Variants in PIK3C2G observed in about 807,000 individuals in gnomAD.
The protein encoded by PIK3C2G is phosphatidylinositol-4-phosphate 3-kinase catalytic subunit type 2 gamma.
Under a neutral mutation model 181.1 loss-of-function variants are expected in PIK3C2G, and 168 were observed. That is an observed-to-expected ratio of 0.93 (90% CI 0.82 to 1.05). The LOEUF (loss-of-function observed/expected upper bound fraction) is 1.05, where lower values mean the gene tolerates loss of function less well. PIK3C2G is among the 50% of genes least tolerant of loss of function. PIK3C2G has a pLI of 0.00. For synonymous variants in PIK3C2G, 573 were observed against 592.2 expected (o/e 0.97, Z 0.47); for missense variants, 1,869 against 1,732.8 (o/e 1.08, Z -1.40).
intron 5 of PIK3C2G, among the ~76,000 whole-genome samples, chr12:18,304,883 A>C (rs1029809607): frequency 5.8e-4 from 89 of 152,334 alleles, no homozygotes; most frequent in African/African-American, 2.0e-3. Context: ...GCAAAGAAAT[A>C]GATAAAGTGC....
At chr12:18,649,700 C>T (rs1321481315), downstream of PIK3C2G, among the ~76,000 whole-genome samples, 1 of 152,132 alleles carries the variant, frequency 6.6e-6, no homozygotes, top group Admixed American at 6.6e-5. Context: ...TCACTGTTGA[C>T]CTCCAATTAG....
At chr12:18,611,742 A>G (rs763039689) in intron 31 of PIK3C2G, among the ~76,000 whole-genome samples, 11 of 151,994 alleles carry the variant, frequency 7.2e-5, no homozygotes, top group Admixed American at 6.6e-5. Flanking sequence ...CTCCTTCCCC[A>G]CAAGCTACAT....
At chr12:18,607,291 G>T in intron 30 of PIK3C2G, 1 of 410,982 alleles carries the variant, frequency 2.4e-6, no homozygotes, top group Non-Finnish European at 4.8e-6. Context: ...CTAAACATAC[G>T]AATGAAAGTA....
the PIK3C2G span, chr12:18,696,137 G>A: frequency 2.5e-5 from 31 of 1,261,476 alleles, no homozygotes; most frequent in Non-Finnish European, 2.7e-5. Context: ...ACTCAATATC[G>A]TATATAACAT....
chr12:18,647,407 T>C (rs1950194008), intron 32 of PIK3C2G, among the ~76,000 whole-genome samples: 1 of 151,062 alleles, frequency 6.6e-6, no homozygotes, highest in Admixed American at 6.6e-5. Flanking sequence ...TCATGCAATA[T>C]ACCTCTGGTA....
the PIK3C2G span, among the ~76,000 whole-genome samples, chr12:18,663,040 C>T: frequency 1.6e-4 from 24 of 152,022 alleles, no homozygotes; most frequent in Non-Finnish European, 3.2e-4. Flanking sequence ...GGATTAAACT[C>T]TCTCCAGTCA....
chr12:18,352,812 C>T (rs1940346571), intron 11 of PIK3C2G, among the ~76,000 whole-genome samples: 1 of 152,172 alleles, frequency 6.6e-6, no homozygotes, highest in Non-Finnish European at 1.5e-5. Context: ...ATCCCGCTGT[C>T]AAGCCACCCC....
intron 29 of PIK3C2G, among the ~76,000 whole-genome samples, chr12:18,588,400 G>GAA (rs548057382): frequency 1.3e-5 from 2 of 150,624 alleles, no homozygotes; most frequent in Non-Finnish European, 3.0e-5. Context: ...AAATTTACAG[G>GAA]AAAAAAAACA....
the PIK3C2G span, among the ~76,000 whole-genome samples, chr12:18,711,315 A>C: frequency 9.2e-5 from 13 of 140,904 alleles, no homozygotes; most frequent in Admixed American, 9.8e-4. Flanking sequence ...GTTCTCACTC[A>C]TAGGTGGGAA....
At chr12:18,407,292 TA>T (rs1235291513) in intron 16 of PIK3C2G, among the ~76,000 whole-genome samples, 1 of 152,148 alleles carries the variant, frequency 6.6e-6, no homozygotes, top group East Asian at 1.9e-4. Context: ...ACTTACATGA[TA>T]AAGAGTTAGC....
At chr12:18,664,582 A>G in the PIK3C2G span, among the ~76,000 whole-genome samples, 8 of 152,302 alleles carry the variant, frequency 5.3e-5, no homozygotes, top group South Asian at 6.2e-4. Flanking sequence ...CATGGAGACA[A>G]TGAGTAGAAT....
intron 8 of PIK3C2G, among the ~76,000 whole-genome samples, chr12:18,337,576 G>A (rs1380744220): frequency 6.6e-6 from 1 of 152,138 alleles, no homozygotes; most frequent in Non-Finnish European, 1.5e-5. Context: ...TGCAATCATA[G>A]CAGAAGGTGA....
intron 29 of PIK3C2G, among the ~76,000 whole-genome samples, chr12:18,574,851 A>G (rs1401926595): frequency 1.3e-5 from 2 of 152,136 alleles, no homozygotes; most frequent in Non-Finnish European, 2.9e-5. Context: ...ATGAAATTAC[A>G]TCTCAAGTCA....
chr12:18,574,967 C>A (rs553688227), intron 29 of PIK3C2G, among the ~76,000 whole-genome samples: 1 of 152,162 alleles, frequency 6.6e-6, no homozygotes, highest in African/African-American at 2.4e-5. Flanking sequence ...TACAAAATAG[C>A]CTCCTAATTG....
upstream of PIK3C2G, among the ~76,000 whole-genome samples, chr12:18,244,482 T>A (rs537268438): frequency 2.5e-4 from 38 of 152,052 alleles, no homozygotes; most frequent in Admixed American, 6.5e-5. Flanking sequence ...TTTGGTAGAA[T>A]TCTGAGCTTA....
In PIK3C2G at chr12:18,399,666, GAAGAA is replaced by G. The variant is rs758822384; in HGVS notation, c.2144_2148del (p.Lys715IlefsTer11). The G allele has an allele frequency of 1.3e-6, 2 of 1,549,948 alleles. No homozygotes were observed. Among genetic ancestry groups the G allele is most frequent in the East Asian group, 2.3e-5 (1 of 44,144 alleles). On this transcript the variant is annotated frameshift_variant, in exon 16 of 33. Coordinates refer to ENST00000538779, the MANE Select transcript of PIK3C2G (RefSeq NM_001288772.2). LOFTEE classifies it high-confidence loss of function. ...TCCAATCTGGTTTTTCAGACTCTCT[GAAGAA>G]AAGAAAAGATATTTATGGTTTTATC...
rs199781754 is a variant in PIK3C2G, at chr12:18,282,614, C to T, written c.533C>T (p.Thr178Ile). The change falls in exon 2 of 33, where the codon ACA (threonine) becomes ATA (isoleucine). Residue 178 changes from threonine to isoleucine, a missense_variant. Thr to Ile is a moderately conservative substitution (Grantham distance 89). Coordinates refer to ENST00000538779, the MANE Select transcript of PIK3C2G (RefSeq NM_001288772.2). Reference protein sequence around the residue: ...HIGFESSIPPTNSSFSSDFMP... With the variant: ...HIGFESSIPPINSSFSSDFMP... ...GGATTTGAAAGTAGCATTCCTCCAA[C>T]AAATTCATCCTTCTCAAGTGACTTC... 154 of 1,613,052 alleles carry T rather than the reference C, an allele frequency of 9.5e-5. 1 individual carries two copies. The highest frequency in any genetic ancestry group is 1.2e-4 in the Non-Finnish European group (146 of 1,179,256).
At chr12:18,726,577 T>C in the PIK3C2G span, among the ~76,000 whole-genome samples, 1 of 152,126 alleles carries the variant, frequency 6.6e-6, no homozygotes, top group South Asian at 2.1e-4. Context: ...TTCAAAATAA[T>C]TCTATTGATT....
At chr12:18,353,328 C>T (rs1940413733) in intron 11 of PIK3C2G, among the ~76,000 whole-genome samples, 1 of 151,870 alleles carries the variant, frequency 6.6e-6, no homozygotes, top group Non-Finnish European at 1.5e-5. Context: ...AAAAAAAAGC[C>T]CAAGTTTTAC....
Sources: gnomAD v4.1 joint callset for allele counts (sites outside exome capture counted in the v4.1 genomes callset) on GRCh38, gnomAD v4.1.1 for gene constraint, MANE v1.5 for transcripts, NCBI Gene and HGNC (gene_info 2026-07-23, HGNC 2026-07-21) for gene names.